Variants in PRLR observed in about 807,000 individuals in gnomAD.
The protein encoded by PRLR is prolactin receptor, also known as hPRL receptor.
In PRLR, 13 loss-of-function variants were observed where a neutral mutation model predicts 40.2. That is an observed-to-expected ratio of 0.32 (90% CI 0.21 to 0.51). The LOEUF is 0.51. Ranked by LOEUF, PRLR falls within the 20% of genes least tolerant of loss-of-function variation. The probability of loss-of-function intolerance (pLI) is 0.97; values close to 1 mark genes in which losing one functional copy is unlikely to be tolerated. For missense variants in PRLR, 656 were observed against 747.3 expected (o/e 0.88, Z 1.42); for synonymous variants, 269 against 278.7 (o/e 0.97, Z 0.35).
chr5:35,198,764 T>C (rs991799673), intron 1 of PRLR, among the ~76,000 whole-genome samples: 2 of 152,208 alleles, frequency 1.3e-5, no homozygotes, highest in Non-Finnish European at 2.9e-5. Flanking sequence ...AAGCACTTAG[T>C]GTCTGCTTGG....
At chr5:35,184,692 T>C (rs1453868566) in intron 1 of PRLR, among the ~76,000 whole-genome samples, 1 of 152,146 alleles carries the variant, frequency 6.6e-6, no homozygotes, top group Non-Finnish European at 1.5e-5. Flanking sequence ...CCTCTTCCCC[T>C]CCTCACAGGG....
intron 6 of PRLR, among the ~76,000 whole-genome samples, chr5:35,070,642 G>A (rs1208210972): frequency 6.6e-6 from 1 of 151,880 alleles, no homozygotes; most frequent in African/African-American, 2.4e-5. Context: ...TTGGGAGTTC[G>A]AGATCAGCCT....
intron 2 of PRLR, among the ~76,000 whole-genome samples, chr5:35,116,959 T>C (rs533714377): frequency 9.2e-5 from 14 of 152,300 alleles, no homozygotes; most frequent in Middle Eastern, 6.8e-3. Context: ...GGAAACATTA[T>C]TTTATTGTTA....
At chr5:35,191,951 A>G (rs970600327) in intron 1 of PRLR, among the ~76,000 whole-genome samples, 1 of 151,956 alleles carries the variant, frequency 6.6e-6, no homozygotes, top group African/African-American at 2.4e-5. Flanking sequence ...TTCTCCTTCC[A>G]TCTCTACCTT....
intron 5 of PRLR, among the ~76,000 whole-genome samples, chr5:35,082,378 G>A (rs1770577872): frequency 6.6e-6 from 1 of 152,192 alleles, no homozygotes; most frequent in Middle Eastern, 3.2e-3. Context: ...TGTTGAGGAT[G>A]TATCTTTTAG....
chr5:35,159,530 A>C (rs1774612837), intron 1 of PRLR, among the ~76,000 whole-genome samples: 1 of 152,098 alleles, frequency 6.6e-6, no homozygotes, highest in African/African-American at 2.4e-5. Flanking sequence ...ATTTCAAGGG[A>C]ATGTTTGGCC....
chr5:35,118,133 A>C lies in PRLR; in HGVS notation c.-105-11T>G, dbSNP rs1052992000. ...AGGAGAGTTCTTTAGCTGAAAGAGG[A>C]AATGATTCATTTTAGCTCCAAGATG... On this transcript the variant is annotated splice_polypyrimidine_tract_variant and intron_variant, in intron 1 of 9. Transcript: ENST00000618457. 1.0e-5 allele frequency: 10 copies of C among 983,934 alleles called. No homozygotes were observed. In the Admixed American group the frequency reaches 6.2e-4, roughly 61 times the overall value. The allele number at this position is 983,934 out of a possible 1,614,324, so 61.0% of individuals were successfully genotyped here.
intron 1 of PRLR, among the ~76,000 whole-genome samples, chr5:35,205,667 A>G (rs1227384369): frequency 6.6e-6 from 1 of 152,156 alleles, no homozygotes; most frequent in Admixed American, 6.5e-5. Context: ...GGAGAAAGAA[A>G]AAGCCCCTAA....
At chr5:35,128,439 C>T (rs73767523) in intron 1 of PRLR, among the ~76,000 whole-genome samples, 11,356 of 151,490 alleles carry the variant, frequency 0.075, 1,436 homozygotes, top group African/African-American at 0.26. Flanking sequence ...GAATACAATG[C>T]GAATACTATG....
At chr5:35,141,867 G>A (rs1302911602) in intron 1 of PRLR, among the ~76,000 whole-genome samples, 1 of 152,138 alleles carries the variant, frequency 6.6e-6, no homozygotes, top group African/African-American at 2.4e-5. Flanking sequence ...CTGCATTCAT[G>A]ACAGCACTTG....
chr5:35,077,593 A>T (rs1770197881), intron 5 of PRLR, among the ~76,000 whole-genome samples: 1 of 152,186 alleles, frequency 6.6e-6, no homozygotes, highest in Non-Finnish European at 1.5e-5. Flanking sequence ...AGACTCCCAC[A>T]CAATAATAAT....
At chr5:35,178,199 C>G (rs1274131445) in intron 1 of PRLR, among the ~76,000 whole-genome samples, 2 of 152,022 alleles carry the variant, frequency 1.3e-5, no homozygotes, top group Non-Finnish European at 2.9e-5. Context: ...CTTTTTGAAA[C>G]CAAATTTTTG....
intron 2 of PRLR, among the ~76,000 whole-genome samples, chr5:35,116,195 A>G (rs989080849): frequency 6.6e-6 from 1 of 152,172 alleles, no homozygotes; most frequent in African/African-American, 2.4e-5. Context: ...AAAGATGAAT[A>G]GGAAGTGTGT....
intron 5 of PRLR, among the ~76,000 whole-genome samples, chr5:35,080,251 C>T (rs1344509856): frequency 6.6e-6 from 1 of 152,032 alleles, no homozygotes; most frequent in Non-Finnish European, 1.5e-5. Context: ...AGTGAACAGG[C>T]AACCTACAGA....
At chr5:35,093,764 A>G (rs1273991538) in intron 2 of PRLR, among the ~76,000 whole-genome samples, 2 of 152,230 alleles carry the variant, frequency 1.3e-5, no homozygotes, top group African/African-American at 2.4e-5. Flanking sequence ...ATGATGGACC[A>G]TATATATGAT....
intron 3 of PRLR, among the ~76,000 whole-genome samples, chr5:35,088,614 A>G (rs956400088): frequency 2.6e-5 from 4 of 152,192 alleles, no homozygotes; most frequent in Non-Finnish European, 4.4e-5. Flanking sequence ...GTAAAATTAC[A>G]ATTAGACAAA....
chr5:35,068,894 C>G lies in PRLR; in HGVS notation c.686-16G>C. On this transcript the variant is annotated splice_polypyrimidine_tract_variant and intron_variant, in intron 7 of 9. Transcript: ENST00000618457. ...ATGGTGAAGTCTAAAAAACAAACAG[C>G]CAGAAAGCTTTGATCACGTACAGCA... 6.3e-7 allele frequency: 1 copy of G among 1,578,056 alleles called. No individual in the cohort carries two copies. Among genetic ancestry groups the G allele is most frequent in the Non-Finnish European group, 8.7e-7 (1 of 1,147,724 alleles).
rs372476659 is a variant in PRLR, at chr5:35,089,672, G to T, written c.-43-9C>A. The T allele has an allele frequency of 8.8e-6, 14 of 1,595,958 alleles. No individual in the cohort carries two copies. In the African/African-American group the frequency reaches 1.1e-4, roughly 12 times the overall value. ...AATGTATCAGAAGTTCACTGGAAGA[G>T]AAGGTAGCAGGTAACTTTTGTGAAA... On this transcript the variant is annotated splice_polypyrimidine_tract_variant and intron_variant, in intron 2 of 9. Transcript: ENST00000618457.
At chr5:35,210,746 G>A (rs1442245340) in intron 1 of PRLR, among the ~76,000 whole-genome samples, 1 of 152,036 alleles carries the variant, frequency 6.6e-6, no homozygotes, top group Admixed American at 6.6e-5. Context: ...GTCTAACTCT[G>A]TTATCCAGGC....
Sources: gnomAD v4.1 joint callset for allele counts (sites outside exome capture counted in the v4.1 genomes callset) on GRCh38, gnomAD v4.1.1 for gene constraint, MANE v1.5 for transcripts, NCBI Gene and HGNC (gene_info 2026-07-23, HGNC 2026-07-21) for gene names.